Variants in NALCN observed in about 807,000 individuals in gnomAD.
NALCN encodes the protein sodium leak channel NALCN.
A neutral mutation model predicts 225.3 loss-of-function variants in NALCN; 111 were observed. The observed-to-expected ratio is 0.49, with a 90% CI of 0.42 to 0.58. The LOEUF (loss-of-function observed/expected upper bound fraction) is 0.58. NALCN is among the 20% of genes least tolerant of loss of function. NALCN has a pLI of 0.00. For synonymous variants in NALCN, 764 were observed against 769.0 expected (o/e 0.99, Z 0.11); for missense variants, 1,378 against 2,202.4 (o/e 0.63, Z 7.49).
At chr13:101,257,283 A>G (rs1033165510) in intron 11 of NALCN, among the ~76,000 whole-genome samples, 1 of 150,082 alleles carries the variant, frequency 6.7e-6, no homozygotes, top group Non-Finnish European at 1.5e-5. Flanking sequence ...TGCATCACAG[A>G]GACTGTAGCC....
intron 7 of NALCN, among the ~76,000 whole-genome samples, chr13:101,309,999 C>A (rs2044282456): frequency 6.6e-6 from 1 of 152,142 alleles, no homozygotes; most frequent in Non-Finnish European, 1.5e-5. Flanking sequence ...TGATCTTTTC[C>A]TTTTAACACA....
intron 13 of NALCN, among the ~76,000 whole-genome samples, chr13:101,215,600 T>A (rs1442966359): frequency 6.6e-6 from 1 of 152,106 alleles, no homozygotes; most frequent in Non-Finnish European, 1.5e-5. Context: ...TTCCTTAGGG[T>A]TGCAGGACTG....
At chr13:101,182,928 T>A (rs910203846) in intron 14 of NALCN, among the ~76,000 whole-genome samples, 78 of 152,296 alleles carry the variant, frequency 5.1e-4, no homozygotes, top group African/African-American at 1.8e-3. Flanking sequence ...GTGTCCATCA[T>A]ATTTAATTTA....
At chr13:101,366,135 TCTC>T (rs1417265411) in intron 6 of NALCN, among the ~76,000 whole-genome samples, 1 of 152,154 alleles carries the variant, frequency 6.6e-6, no homozygotes, top group East Asian at 1.9e-4. Context: ...AAGCCATTGC[TCTC>T]CTCAACTTTC....
At chr13:101,279,716 C>T (rs905252463) in intron 10 of NALCN, among the ~76,000 whole-genome samples, 3 of 148,800 alleles carry the variant, frequency 2.0e-5, no homozygotes, top group African/African-American at 4.9e-5. Context: ...ACTTGGGAGG[C>T]TGAGGCAGGA....
intron 34 of NALCN, among the ~76,000 whole-genome samples, chr13:101,078,693 A>G (rs1399022253): frequency 2.0e-5 from 3 of 152,168 alleles, no homozygotes. Context: ...TTCTCAGATA[A>G]GACTTTGGGC....
At chr13:101,340,989 C>A (rs1030205558) in intron 7 of NALCN, among the ~76,000 whole-genome samples, 2 of 152,052 alleles carry the variant, frequency 1.3e-5, no homozygotes, top group Non-Finnish European at 2.9e-5. Context: ...GACAAGTATG[C>A]ACATATCTCT....
At chr13:101,331,776 G>A (rs993486123) in intron 7 of NALCN, among the ~76,000 whole-genome samples, 3 of 152,156 alleles carry the variant, frequency 2.0e-5, no homozygotes, top group Non-Finnish European at 4.4e-5. Context: ...GCCCTGCCCA[G>A]GGAAGAGCTT....
At chr13:101,377,151 A>C in intron 4 of NALCN, 95 bp from the exon 5 acceptor site, 1 of 1,454,106 alleles carries the variant, frequency 6.9e-7, no homozygotes, top group Non-Finnish European at 9.4e-7. Flanking sequence ...AAGTAGGTGC[A>C]CCTCTACTCT....
chr13:101,398,759 C>T (rs934107832), intron 2 of NALCN, among the ~76,000 whole-genome samples: 2 of 152,122 alleles, frequency 1.3e-5, no homozygotes, highest in African/African-American at 2.4e-5. Context: ...ATCATCTCTA[C>T]ACCATGTGAC....
At chr13:101,361,072 C>T (rs2046239013) in intron 6 of NALCN, among the ~76,000 whole-genome samples, 1 of 152,168 alleles carries the variant, frequency 6.6e-6, no homozygotes. Context: ...ATACGAATCA[C>T]AAATGTGGCT....
chr13:101,394,863 C>T (rs1295869343), intron 3 of NALCN, among the ~76,000 whole-genome samples: 35 of 152,144 alleles, frequency 2.3e-4, no homozygotes, highest in Non-Finnish European at 1.5e-5. Flanking sequence ...CTGGGCCAGC[C>T]CCTGTGCTGG....
intron 13 of NALCN, among the ~76,000 whole-genome samples, chr13:101,222,414 T>C (rs1053566863): frequency 3.9e-5 from 6 of 152,138 alleles, no homozygotes; most frequent in Non-Finnish European, 8.8e-5. Flanking sequence ...TTACCCTCAA[T>C]ACCGATTTTA....
At chr13:101,223,107 T>C (rs2041007671) in intron 13 of NALCN, among the ~76,000 whole-genome samples, 1 of 152,170 alleles carries the variant, frequency 6.6e-6, no homozygotes, top group African/African-American at 2.4e-5. Flanking sequence ...TAGTCCTACC[T>C]GACCCTGAAA....
intron 7 of NALCN, among the ~76,000 whole-genome samples, chr13:101,329,934 G>C (rs1010889060): frequency 1.3e-5 from 2 of 151,892 alleles, no homozygotes; most frequent in Admixed American, 1.3e-4. Flanking sequence ...AGCTACTTGG[G>C]AGGCTGAGGC....
intron 6 of NALCN, among the ~76,000 whole-genome samples, chr13:101,352,602 A>G (rs1005016064): frequency 4.6e-5 from 7 of 152,226 alleles, no homozygotes; most frequent in Non-Finnish European, 1.0e-4. Context: ...TTAGAGATTT[A>G]TAGATTAGGG....
Position 101,104,450 on chromosome 13 carries a change from G to T in NALCN, c.2758-24C>A, listed in dbSNP as rs749401756. 6.2e-7 allele frequency: 1 copy of T among 1,612,520 alleles called. No homozygotes were observed. The highest frequency in any genetic ancestry group is 1.1e-5 in the South Asian group (1 of 90,948). ...ATCTGAAACGGGCAAAAGGCAGTTT[G>T]GTTACAATGAACGGAAAAACAGCAG... On this transcript the variant is annotated intron_variant, in intron 24 of 43. Coordinates refer to ENST00000251127, the MANE Select transcript of NALCN (RefSeq NM_052867.4). The surrounding 1 kb of genome is among the most constrained non-coding windows in gnomAD (Gnocchi z 4.2).
rs2031073839 is a variant in NALCN at position 101,055,304 on chromosome 13, C to T, written c.5208G>A (p.Leu1736=). The change falls in exon 44 of 44, where the codon CTG becomes CTA. Residue 1736 remains leucine (L), a synonymous_variant. Coordinates refer to ENST00000251127, the MANE Select transcript of NALCN (RefSeq NM_052867.4). ...VESDESGDDL[L]DI is the part of the protein sequence containing the mutation. ...CTACATTGACATCCACCTAAATATC[C>T]AGAAGGTCATCCCCACTTTCGTCGC... The T allele has an allele frequency of 6.2e-7, 1 of 1,612,274 alleles. No homozygotes were observed. Among genetic ancestry groups the T allele is most frequent in the Non-Finnish European group, 8.5e-7 (1 of 1,179,150 alleles).
At chr13:101,079,325 A>C (rs2033473231) in intron 34 of NALCN, among the ~76,000 whole-genome samples, 1 of 152,246 alleles carries the variant, frequency 6.6e-6, no homozygotes, top group Non-Finnish European at 1.5e-5. Flanking sequence ...TAGGATGAGA[A>C]TCTGAATTCT....
Sources: allele counts gnomAD v4.1 joint callset (sites outside exome capture counted in the v4.1 genomes callset), GRCh38; gene constraint gnomAD v4.1.1; non-coding constraint Gnocchi (gnomAD v3.1); transcripts MANE v1.5; gene names NCBI Gene and HGNC (gene_info 2026-07-23, HGNC 2026-07-21).